KCNJ1: variants seen among roughly 807,000 people sequenced by gnomAD.
KCNJ1 encodes ATP-sensitive inward rectifier potassium channel 1.
KCNJ1 carries 24 observed loss-of-function variants against 21.9 expected under a neutral mutation model. The ratio of observed to expected loss-of-function variants is 1.10; its 90% confidence interval spans 0.79 to 1.54. The LOEUF (loss-of-function observed/expected upper bound fraction) is 1.54, where lower values mean the gene tolerates loss of function less well. Among genes scored for constraint, KCNJ1 ranks in the 40% most tolerant of loss-of-function variants. The pLI, the probability that KCNJ1 is intolerant of heterozygous loss-of-function variation, is 0.00. For synonymous variants in KCNJ1, 152 were observed against 160.9 expected (o/e 0.94, Z 0.42); for missense variants, 457 against 455.4 (o/e 1.00, Z -0.03).
chr11:128,842,186 G>GT (rs1310471928), intron 2 of KCNJ1, among the ~76,000 whole-genome samples: 3 of 152,162 alleles, frequency 2.0e-5, no homozygotes, highest in Non-Finnish European at 1.5e-5. Flanking sequence ...CAACTTCTGA[G>GT]TTTTTTTCCC....
At chr11:128,865,004 C>T (rs914431837) in intron 1 of KCNJ1, among the ~76,000 whole-genome samples, 1 of 152,080 alleles carries the variant, frequency 6.6e-6, no homozygotes, top group Non-Finnish European at 1.5e-5. Flanking sequence ...GGTCCTTCAT[C>T]GTGGCACCCT....
rs1364743286 is a variant in KCNJ1 at position 128,839,097 on chromosome 11, T to C, written c.*28A>G. The C allele has an allele frequency of 6.2e-7, 1 of 1,604,454 alleles. No individual in the cohort carries two copies. Among genetic ancestry groups the C allele is most frequent in the Non-Finnish European group, 8.5e-7 (1 of 1,174,462 alleles). On this transcript the variant is annotated 3_prime_UTR_variant, in exon 3 of 3. Coordinates refer to ENST00000392666, the MANE Select transcript of KCNJ1 (RefSeq NM_153766.3). ...CTAGGTACTAGGAGCTTTAGAGACTTTGCTTTACTCCCGTTGAAAAGCCAC... is the reference window on the plus strand; with the variant it reads ...CTAGGTACTAGGAGCTTTAGAGACTCTGCTTTACTCCCGTTGAAAAGCCAC...
intron 1 of KCNJ1, among the ~76,000 whole-genome samples, chr11:128,859,342 C>T (rs879764959): frequency 1.3e-5 from 2 of 152,204 alleles, no homozygotes; most frequent in Admixed American, 6.5e-5. Flanking sequence ...GCAGCCTCTA[C>T]CTCCCATCTC....
At chr11:128,861,471 G>C (rs1025726383) in intron 1 of KCNJ1, among the ~76,000 whole-genome samples, 1 of 152,178 alleles carries the variant, frequency 6.6e-6, no homozygotes. Flanking sequence ...CAGACAGAAA[G>C]GAAGCTGCAA....
intron 2 of KCNJ1, among the ~76,000 whole-genome samples, chr11:128,849,755 C>T (rs1466378755): frequency 5.9e-5 from 9 of 152,158 alleles, no homozygotes; most frequent in Non-Finnish European, 4.4e-5. Context: ...AGCAAACGGC[C>T]TGAGGTTGTG....
At chr11:128,861,121 C>T (rs1943699332) in intron 1 of KCNJ1, among the ~76,000 whole-genome samples, 1 of 152,208 alleles carries the variant, frequency 6.6e-6, no homozygotes, top group Non-Finnish European at 1.5e-5. Context: ...GGGTGGCATT[C>T]ACTGTGTCAG....
Position 128,852,515 on chromosome 11 carries a change from G to A in KCNJ1, c.-191-1625C>T, listed in dbSNP as rs544799240. ...GCCATCAGAGTTACATTAATGGAGC[G>A]GCACGTCATATCACCCACCCTCCCA... is the stretch of plus-strand genomic sequence containing the variant. On this transcript the variant is annotated intron_variant, in intron 1 of 2. Transcript: ENST00000392666. Among the ~76,000 whole-genome samples the A allele has an allele frequency of 7.9e-5, 12 of 152,290 alleles. No homozygotes were observed. In the South Asian group the frequency reaches 1.2e-3, roughly 16 times the overall value.
At position 128,839,261 on chromosome 11, in the gene KCNJ1, G is replaced by C. The variant is rs1204500762; in HGVS notation, c.983C>G (p.Thr328Arg). Residue 328 changes from threonine (T) to arginine (R), a missense_variant, in exon 3 of 3, where the codon ACA becomes AGA. Thr to Arg is a moderately conservative substitution (Grantham distance 71, BLOSUM62 -1). Coordinates refer to ENST00000392666, the MANE Select transcript of KCNJ1 (RefSeq NM_153766.3). Reference protein sequence around the residue: ...YRVDFHNFSKTVEVETPHCAM... With the variant: ...YRVDFHNFSKRVEVETPHCAM... ...ACAGTGAGGGGTCTCCACTTCCACTGTCTTGCTAAAGTTATGGAAATCCAC... is the reference window on the plus strand; with the variant it reads ...ACAGTGAGGGGTCTCCACTTCCACTCTCTTGCTAAAGTTATGGAAATCCAC... 1 of 1,613,992 alleles carries C rather than the reference G, an allele frequency of 6.2e-7. No individual in the cohort carries two copies.
chr11:128,846,708 C>T (rs754737787), intron 2 of KCNJ1, among the ~76,000 whole-genome samples: 21 of 152,278 alleles, frequency 1.4e-4, no homozygotes, highest in African/African-American at 4.3e-4. Context: ...AACAGAGCGA[C>T]GGTACCGAGG....
At chr11:128,859,957 G>C (rs2846681) in intron 1 of KCNJ1, among the ~76,000 whole-genome samples, 24,639 of 151,066 alleles carry the variant, frequency 0.16, 2,055 homozygotes, top group South Asian at 0.26. Context: ...CAAAGCGCAG[G>C]CGGGAGAGGA....
chr11:128,858,871 G>T (rs1943643872), intron 1 of KCNJ1, among the ~76,000 whole-genome samples: 3 of 152,272 alleles, frequency 2.0e-5, no homozygotes, highest in Admixed American at 2.0e-4. Flanking sequence ...TTTAATTATT[G>T]GAAGAAACTC....
In KCNJ1 at chr11:128,839,342, AG is replaced by A; in HGVS notation, c.901del (p.Leu301PhefsTer9). ...VRTSYVPEEV[L>X]WGYRFAPIVS... Reference sequence around the variant, plus strand: ...TATGGGAGCAAAACGGTAGCCCCAAAGCACCTCCTCTGGGACATAGGATGTC... The same window carrying A: ...TATGGGAGCAAAACGGTAGCCCCAAACACCTCCTCTGGGACATAGGATGTC... On this transcript the variant is annotated frameshift_variant, in exon 3 of 3. Transcript: ENST00000392666. LOFTEE classifies it high-confidence loss of function. 6.2e-7 allele frequency: 1 copy of A among 1,614,188 alleles called. No homozygotes were observed. Among genetic ancestry groups the A allele is most frequent in the African/African-American group, 1.3e-5 (1 of 75,046 alleles).
chr11:128,852,399 C>G (rs1389647763), intron 1 of KCNJ1, among the ~76,000 whole-genome samples: 2 of 152,184 alleles, frequency 1.3e-5, no homozygotes, highest in Admixed American at 6.5e-5. Flanking sequence ...GTGGAAGAGC[C>G]AGCATTTCTG....
At chr11:128,858,052 T>C (rs951175922) in intron 1 of KCNJ1, among the ~76,000 whole-genome samples, 7 of 146,460 alleles carry the variant, frequency 4.8e-5, no homozygotes. Flanking sequence ...AAAATGTAGA[T>C]AAAATAGAGT....
In KCNJ1 at chr11:128,864,179, C is replaced by T. The variant is rs568319248; in HGVS notation, c.-192+2994G>A. ...TCAGCTCACTGCAACCTCCGCCTCC[C>T]GGGTTCAAGCAATTCTCATGCCTCA... is the stretch of plus-strand genomic sequence containing the variant. On this transcript the variant is annotated intron_variant, in intron 1 of 2. Coordinates refer to ENST00000392666, the MANE Select transcript of KCNJ1 (RefSeq NM_153766.3). Among the ~76,000 whole-genome samples the T allele has an allele frequency of 5.1e-4, 76 of 148,666 alleles. 1 individual carries two copies. The South Asian group carries it at 6.9e-3, about 14-fold the overall frequency.
At position 128,853,376 on chromosome 11, in the gene KCNJ1, T is replaced by G. The variant is rs569132443; in HGVS notation, c.-191-2486A>C. Among the ~76,000 whole-genome samples the G allele has an allele frequency of 2.6e-5, 4 of 152,366 alleles. No homozygotes were observed. The South Asian group carries it at 8.3e-4, about 32-fold the overall frequency. ...GTACTGGTAGATACTACAACATGGA[T>G]GGACCTGGAAAACATTTGGCCAGTG... On this transcript the variant is annotated intron_variant, in intron 1 of 2. Coordinates refer to ENST00000392666, the MANE Select transcript of KCNJ1 (RefSeq NM_153766.3).
At chr11:128,856,432 G>A (rs954961362) in intron 1 of KCNJ1, among the ~76,000 whole-genome samples, 1 of 152,210 alleles carries the variant, frequency 6.6e-6, no homozygotes, top group Non-Finnish European at 1.5e-5. Context: ...CCAGGCTGGG[G>A]TGAGAGGTGC....
intron 1 of KCNJ1, among the ~76,000 whole-genome samples, chr11:128,857,035 C>A (rs1943602999): frequency 6.6e-6 from 1 of 152,134 alleles, no homozygotes; most frequent in Non-Finnish European, 1.5e-5. Context: ...AGGACTCTGC[C>A]ACACTCCACA....
intron 1 of KCNJ1, among the ~76,000 whole-genome samples, chr11:128,863,541 T>A (rs1342334467): frequency 2.0e-5 from 3 of 152,170 alleles, no homozygotes; most frequent in Non-Finnish European, 4.4e-5. Flanking sequence ...AAATTATTCA[T>A]CCAAAACAGT....
Sources: allele counts gnomAD v4.1 joint callset (sites outside exome capture counted in the v4.1 genomes callset), GRCh38; gene constraint gnomAD v4.1.1; transcripts MANE v1.5; gene names NCBI Gene and HGNC (gene_info 2026-07-23, HGNC 2026-07-21).